AFF3: variants seen among roughly 807,000 people sequenced by gnomAD.
AFF3 encodes the protein ALF transcription elongation factor 3.
In AFF3, 32 loss-of-function variants were observed where a neutral mutation model predicts 129.7. The observed-to-expected ratio is 0.25, with a 90% confidence interval of 0.19 to 0.33. The LOEUF is 0.33. Ranked by LOEUF, AFF3 falls within the 10% of genes least tolerant of loss-of-function variation. The pLI, the probability that AFF3 is intolerant of heterozygous loss-of-function variation, is 1.00. For missense variants in AFF3, 1,373 were observed against 1,592.0 expected (o/e 0.86, Z 2.34); for synonymous variants, 644 against 635.4 (o/e 1.01, Z -0.20).
intron 4 of AFF3, among the ~76,000 whole-genome samples, chr2:100,046,634 C>G (rs1685858073): frequency 6.6e-6 from 1 of 152,172 alleles, no homozygotes; most frequent in Non-Finnish European, 1.5e-5. Flanking sequence ...AAAGTCACGT[C>G]ATGTTTGACC....
chr2:99,673,834 T>C (rs568102541), intron 11 of AFF3, among the ~76,000 whole-genome samples: 1 of 152,332 alleles, frequency 6.6e-6, no homozygotes, highest in South Asian at 2.1e-4. Context: ...GGATAAGGCA[T>C]GGCCCAGGCT....
chr2:100,038,727 CTT>C (rs769729156), intron 4 of AFF3, among the ~76,000 whole-genome samples: 17 of 142,154 alleles, frequency 1.2e-4, no homozygotes, highest in African/African-American at 1.8e-4. Context: ...TCTTCTTCTT[CTT>C]TTTTTTTTTT....
chr2:99,819,556 T>A (rs1295264464), intron 8 of AFF3, among the ~76,000 whole-genome samples: 1 of 152,246 alleles, frequency 6.6e-6, no homozygotes, highest in African/African-American at 2.4e-5. Context: ...CCACATTTGA[T>A]GAATGAAAAC....
intron 13 of AFF3, chr2:99,630,771 C>G (rs1423840847): frequency 5.3e-6 from 1 of 189,526 alleles, no homozygotes; most frequent in African/African-American, 2.4e-5. Flanking sequence ...AACTCACTCA[C>G]AAGAACAGCA....
chr2:99,739,795 T>C (rs952322837), intron 10 of AFF3, among the ~76,000 whole-genome samples: 1 of 152,084 alleles, frequency 6.6e-6, no homozygotes, highest in African/African-American at 2.4e-5. Flanking sequence ...TATTTCTCTA[T>C]TTCTTTTTTT....
chr2:99,561,547 T>C lies in AFF3; in HGVS notation c.3120-1111A>G, dbSNP rs1156869669. Among the ~76,000 whole-genome samples, 3 of 152,164 alleles carry C rather than the reference T, an allele frequency of 2.0e-5. No individual in the cohort carries two copies. The South Asian group carries it at 6.2e-4, about 32-fold the overall frequency. ...TATCAGATGGTGGTATAATTTTTTA[T>C]TGTTTTGTTTTGTAGCAGTGGGGTC... On this transcript the variant is annotated intron_variant, in intron 20 of 24. Transcript: ENST00000672756.
chr2:99,722,446 T>C (rs530433483), intron 11 of AFF3, among the ~76,000 whole-genome samples: 1 of 152,336 alleles, frequency 6.6e-6, no homozygotes, highest in African/African-American at 2.4e-5. Context: ...TACTTAGTGT[T>C]ATACTTTGTT....
At chr2:100,133,309 A>C (rs1000299272) in intron 1 of AFF3, among the ~76,000 whole-genome samples, 1 of 152,076 alleles carries the variant, frequency 6.6e-6, no homozygotes, top group Admixed American at 6.5e-5. Flanking sequence ...TTAAAAAAAA[A>C]CACCCTGCAC....
chr2:99,672,447 C>T (rs1008111043), intron 12 of AFF3, 91 bp downstream of exon 12: 49 of 1,219,640 alleles, frequency 4.0e-5, no homozygotes, highest in Non-Finnish European at 5.9e-5. Flanking sequence ...TGGAGTGCCA[C>T]CATTCAGCTT....
chr2:99,978,495 T>A (rs1333260767), intron 7 of AFF3, among the ~76,000 whole-genome samples: 1 of 152,146 alleles, frequency 6.6e-6, no homozygotes, highest in Non-Finnish European at 1.5e-5. Flanking sequence ...GCAGCTGACA[T>A]GACAAATACA....
At chr2:99,662,845 G>A (rs1354614559) in intron 12 of AFF3, among the ~76,000 whole-genome samples, 2 of 152,124 alleles carry the variant, frequency 1.3e-5, no homozygotes, top group Admixed American at 6.5e-5. Flanking sequence ...GAATCTCCTG[G>A]GATGTGAATG....
chr2:99,904,709 T>C (rs1006095288), intron 7 of AFF3, among the ~76,000 whole-genome samples: 10 of 152,142 alleles, frequency 6.6e-5, no homozygotes, highest in Non-Finnish European at 1.2e-4. Flanking sequence ...CTTTGCCGCT[T>C]CCCCAGACAA....
intron 8 of AFF3, among the ~76,000 whole-genome samples, chr2:99,828,207 G>A (rs1346123879): frequency 6.6e-6 from 1 of 152,160 alleles, no homozygotes; most frequent in South Asian, 2.1e-4. Flanking sequence ...TGAGGGGGTT[G>A]ATAAAGTCAA....
chr2:99,927,545 T>C lies in AFF3; in HGVS notation c.873+79087A>G, dbSNP rs552344488. 1.3e-4 allele frequency among the ~76,000 whole-genome samples: 20 copies of C among 151,786 alleles called. No homozygotes were observed. In the South Asian group the frequency reaches 3.1e-3, roughly 24 times the overall value. Reference sequence around the variant, plus strand: ...TAAATGATGAGAACACATGGACACATAGAAGGAAACAACACACACTGGGGC... The same window carrying C: ...TAAATGATGAGAACACATGGACACACAGAAGGAAACAACACACACTGGGGC... On this transcript the variant is annotated intron_variant, in intron 7 of 24. Transcript: ENST00000672756.
At chr2:99,866,813 C>T (rs62147614) in intron 7 of AFF3, among the ~76,000 whole-genome samples, 7,267 of 151,690 alleles carry the variant, frequency 0.048, 218 homozygotes, top group African/African-American at 0.083. Flanking sequence ...CCTATATCTA[C>T]TAAAAATACA....
rs2106314031 is a variant in AFF3, at chr2:99,934,086, G to C, written c.873+72546C>G. ...GAACAACAGCACCAGGAACTGAAAG[G>C]AACCTGCAGTACAACACAGCAGGTG... On this transcript the variant is annotated intron_variant, in intron 7 of 24. Coordinates refer to ENST00000672756, the MANE Select transcript of AFF3 (RefSeq NM_001386135.1). Among the ~76,000 whole-genome samples, 3 of 152,222 alleles carry C rather than the reference G, an allele frequency of 2.0e-5. No homozygotes were observed. In the South Asian group the frequency reaches 6.2e-4, roughly 32 times the overall value.
intron 8 of AFF3, among the ~76,000 whole-genome samples, chr2:99,804,303 G>A (rs562992371): frequency 6.6e-6 from 1 of 152,134 alleles, no homozygotes; most frequent in South Asian, 2.1e-4. Flanking sequence ...TTCAAAAGAA[G>A]ATACACAAAT....
intron 13 of AFF3, among the ~76,000 whole-genome samples, chr2:99,644,973 A>G (rs1462262694): frequency 6.6e-6 from 1 of 152,214 alleles, no homozygotes; most frequent in Non-Finnish European, 1.5e-5. Flanking sequence ...TAAGCAGTGA[A>G]TAAGTGAGAC....
chr2:100,063,252 C>CGA (rs1553516030), intron 4 of AFF3, among the ~76,000 whole-genome samples: 1 of 101,814 alleles, frequency 9.8e-6, no homozygotes, highest in Non-Finnish European at 1.9e-5. Flanking sequence ...AACTCCATCT[C>CGA]AAAAAAAAAA....
Sources: gnomAD v4.1 joint callset for allele counts (sites outside exome capture counted in the v4.1 genomes callset) on GRCh38, gnomAD v4.1.1 for gene constraint, MANE v1.5 for transcripts, NCBI Gene and HGNC (gene_info 2026-07-23, HGNC 2026-07-21) for gene names.